The following NEXMIF variants were observed in gnomAD, a reference collection of about 807,000 sequenced individuals.
The protein encoded by NEXMIF is neurite extension and migration factor.
In NEXMIF, 8 loss-of-function variants were observed where a neutral mutation model predicts 62.1. The ratio of observed to expected loss-of-function variants is 0.13; its 90% CI spans 0.08 to 0.23. The LOEUF is 0.23. NEXMIF is among the 10% of genes least tolerant of loss of function. The pLI is 1.00. For synonymous variants in NEXMIF, 404 were observed against 416.6 expected (o/e 0.97, Z 0.37); for missense variants, 976 against 1,113.3 (o/e 0.88, Z 1.75).
intron 1 of NEXMIF, among the ~76,000 whole-genome samples, chrX:74,841,756 G>T (rs936307493): frequency 8.9e-6 from 1 of 111,967 alleles, no homozygotes; most frequent in Non-Finnish European, 1.9e-5. Context: ...TTTGTTTTTA[G>T]TTCTGTTTAT....
intron 1 of NEXMIF, among the ~76,000 whole-genome samples, chrX:74,790,334 T>C (rs1237534821): frequency 8.8e-6 from 1 of 113,048 alleles, no homozygotes; most frequent in Non-Finnish European, 1.9e-5. Flanking sequence ...CATTGATCTA[T>C]ATCTCTGTTT....
rs1189696622 is a variant in NEXMIF at position 74,832,754 on chromosome X, G to C, written c.-47-87057C>G. On this transcript the variant is annotated intron_variant, in intron 1 of 3. Coordinates refer to ENST00000055682, the MANE Select transcript of NEXMIF (RefSeq NM_001008537.3). ...TTCTTTTTTGAGGTAGTCACTTATAGCTATAAGCTTCCCTCTGAGTACTGT... is the reference window on the plus strand; with the variant it reads ...TTCTTTTTTGAGGTAGTCACTTATACCTATAAGCTTCCCTCTGAGTACTGT... Among the ~76,000 whole-genome samples, 4 of 110,943 alleles carry C rather than the reference G, an allele frequency of 3.6e-5. No homozygotes were observed. In the South Asian group the frequency reaches 1.5e-3, roughly 42 times the overall value.
intron 1 of NEXMIF, among the ~76,000 whole-genome samples, chrX:74,830,450 T>C (rs1324374295): frequency 8.9e-6 from 1 of 111,814 alleles, no homozygotes; most frequent in Non-Finnish European, 1.9e-5. Context: ...TTGGTTACCA[T>C]AGCTCTATAG....
chrX:74,782,037 G>C (rs776641764), intron 1 of NEXMIF, among the ~76,000 whole-genome samples: 1 of 112,087 alleles, frequency 8.9e-6, no homozygotes, highest in East Asian at 2.8e-4. Flanking sequence ...TGAAGGGCTG[G>C]ATGGTAGGCA....
intron 1 of NEXMIF, among the ~76,000 whole-genome samples, chrX:74,862,145 A>C (rs955206556): frequency 6.3e-5 from 7 of 111,529 alleles, no homozygotes; most frequent in Non-Finnish European, 1.1e-4. Flanking sequence ...GATGGAGGAA[A>C]ATTTACCCAG....
At chrX:74,761,903 T>G (rs1381538246) in intron 1 of NEXMIF, among the ~76,000 whole-genome samples, 4 of 111,673 alleles carry the variant, frequency 3.6e-5, no homozygotes, top group Admixed American at 9.6e-5. Context: ...TCTAGTATGT[T>G]GTATCTTTGT....
At chrX:74,885,835 G>C (rs1404363601) in intron 1 of NEXMIF, among the ~76,000 whole-genome samples, 5 of 111,312 alleles carry the variant, frequency 4.5e-5, no homozygotes, top group African/African-American at 9.8e-5. Flanking sequence ...GCCGGGCAGA[G>C]ACACAACAAA....
chrX:74,741,606 T>C lies in NEXMIF; in HGVS notation c.2951A>G (p.Asn984Ser), dbSNP rs375623451. The C allele has an allele frequency of 3.0e-5, 36 of 1,211,718 alleles. No homozygotes were observed. The Admixed American group carries it at 5.6e-4, about 19-fold the overall frequency. The change falls in exon 3 of 4, where the codon AAT becomes AGT. Residue 984 changes from asparagine (N) to serine (S), a missense_variant. By Grantham distance (46) the Asn-to-Ser change is conservative. Around this residue, in one of 5 missense-constraint regions of NEXMIF, gnomAD observed 639 missense variants for 694.5 expected, o/e 0.92. Coordinates refer to ENST00000055682, the MANE Select transcript of NEXMIF (RefSeq NM_001008537.3). ...GCTAAAGAGCCGACCATCATCCATA[T>C]TGACTGGCCCCTGCTGGAAAGGAAA... The part of the protein sequence containing the change: ...ICFPFQQGPV[N>S]MDDGRLFSFD...
chrX:74,759,038 T>C (rs1412699030), intron 1 of NEXMIF, among the ~76,000 whole-genome samples: 3 of 112,457 alleles, frequency 2.7e-5, no homozygotes, highest in Non-Finnish European at 5.6e-5. Flanking sequence ...AAGCATTTAT[T>C]TTTCTCTACA....
At chrX:74,739,679 C>T (rs771370883) in intron 3 of NEXMIF, among the ~76,000 whole-genome samples, 181 bp from the exon 4 acceptor site, 18 of 109,134 alleles carry the variant, frequency 1.6e-4, no homozygotes, top group African/African-American at 6.0e-4. Context: ...TTTTGTTTTC[C>T]AGCTAATGCT....
intron 1 of NEXMIF, among the ~76,000 whole-genome samples, chrX:74,891,335 C>G (rs1479965746): frequency 9.5e-6 from 1 of 105,192 alleles, no homozygotes; most frequent in Non-Finnish European, 1.9e-5. Context: ...TTTTTTTAGA[C>G]TTCAGAACAG....
Position 74,750,865 on chromosome X carries a change from G to C in NEXMIF, c.-47-5168C>G, listed in dbSNP as rs185523480. 3.2e-3 allele frequency among the ~76,000 whole-genome samples: 356 copies of C among 111,709 alleles called. 2 individuals carry two copies. The highest frequency in any genetic ancestry group is 0.011 in the African/African-American group (339 of 30,772). On this transcript the variant is annotated intron_variant, in intron 1 of 3. Transcript: ENST00000055682. ...AAGAAGAGATTACTACAGCTACACT[G>C]TAAAGAATTCTATATATCTCAAAAG... is the stretch of plus-strand genomic sequence containing the variant.
intron 1 of NEXMIF, among the ~76,000 whole-genome samples, chrX:74,801,576 T>G (rs2080329757): frequency 8.9e-6 from 1 of 111,800 alleles, no homozygotes; most frequent in Non-Finnish European, 1.9e-5. Context: ...GGTACTACAC[T>G]GAAGGTCTTG....
At chrX:74,875,640 G>A (rs2080628069) in intron 1 of NEXMIF, among the ~76,000 whole-genome samples, 1 of 111,675 alleles carries the variant, frequency 9.0e-6, no homozygotes, top group Non-Finnish European at 1.9e-5. Context: ...CTTTTTGGTT[G>A]GTAAGCTATT....
intron 1 of NEXMIF, among the ~76,000 whole-genome samples, chrX:74,760,831 T>C (rs2080173518): frequency 1.0e-5 from 1 of 97,235 alleles, no homozygotes; most frequent in Non-Finnish European, 2.1e-5. Context: ...ATCAAGGTTA[T>C]TGGCCCTAAG....
chrX:74,921,744 CA>C (rs1486342633), intron 1 of NEXMIF, among the ~76,000 whole-genome samples: 4 of 110,444 alleles, frequency 3.6e-5, no homozygotes, highest in Non-Finnish European at 7.6e-5. Flanking sequence ...GAATAATGTC[CA>C]AACCAAAAAT....
chrX:74,821,777 C>T (rs370964991), intron 1 of NEXMIF, among the ~76,000 whole-genome samples: 2 of 110,945 alleles, frequency 1.8e-5, no homozygotes, highest in Non-Finnish European at 3.8e-5. Context: ...TCAACCAGGC[C>T]GGAGCGCCGT....
chrX:74,829,881 A>AAATCAAATGTCT (rs2080430410), intron 1 of NEXMIF, among the ~76,000 whole-genome samples: 2 of 111,423 alleles, frequency 1.8e-5, no homozygotes, highest in African/African-American at 6.5e-5. Context: ...ATCTTCTGTC[A>AAATCAAATGTCT]GTTTTTAAAT....
chrX:74,732,902 C>T lies in NEXMIF; in HGVS notation c.*6503G>A, dbSNP rs980913787. On this transcript the variant is annotated 3_prime_UTR_variant, in exon 4 of 4. Transcript: ENST00000055682. Reference sequence around the variant, plus strand: ...TTACTTTCAATAAACAGCTTTAACACTTTGAGAGGACTGCATCTCTGCAGA... The same window carrying T: ...TTACTTTCAATAAACAGCTTTAACATTTTGAGAGGACTGCATCTCTGCAGA... 9.0e-6 allele frequency: 1 copy of T among 111,715 alleles called. No homozygotes were observed. The highest frequency in any genetic ancestry group is 3.7e-4 in the South Asian group (1 of 2,670). The allele number at this position is 111,715 out of a possible 1,213,427, so 9.2% of individuals were successfully genotyped here. A position where few individuals can be genotyped will look rare whatever the true frequency, so the allele number is the denominator to read the frequency against.
Sources: allele counts gnomAD v4.1 joint callset (sites outside exome capture counted in the v4.1 genomes callset), GRCh38; gene constraint gnomAD v4.1.1; regional missense constraint gnomAD v4.1.1; transcripts MANE v1.5; gene names NCBI Gene and HGNC (gene_info 2026-07-23, HGNC 2026-07-21).